ROBO2: variants seen among roughly 807,000 people sequenced by gnomAD.
ROBO2 encodes roundabout guidance receptor 2.
ROBO2 carries 53 observed loss-of-function variants against 160.8 expected under a neutral mutation model. The ratio of observed to expected loss-of-function variants is 0.33; its 90% CI spans 0.26 to 0.41. The LOEUF (loss-of-function observed/expected upper bound fraction) is 0.41, where lower values mean the gene tolerates loss of function less well. Among genes scored for constraint, ROBO2 ranks in the 10% least tolerant of loss-of-function variants. The pLI is 1.00. For missense variants in ROBO2, 1,577 were observed against 1,722.4 expected (o/e 0.92, Z 1.49); for synonymous variants, 664 against 611.7 (o/e 1.09, Z -1.26).
At chr3:77,198,072 G>C (rs1483374552) in intron 2 of ROBO2, among the ~76,000 whole-genome samples, 1 of 152,170 alleles carries the variant, frequency 6.6e-6, no homozygotes, top group Non-Finnish European at 1.5e-5. Context: ...CACATAGTAG[G>C]TGCTTCATAA....
chr3:77,370,539 G>A (rs991652542), intron 2 of ROBO2, among the ~76,000 whole-genome samples: 3 of 152,170 alleles, frequency 2.0e-5, no homozygotes, highest in African/African-American at 4.8e-5. Context: ...AGTGTATTGG[G>A]TTATCCAGTG....
At chr3:76,163,669 T>C (rs1349253980) in intron 2 of ROBO2, among the ~76,000 whole-genome samples, 1 of 151,970 alleles carries the variant, frequency 6.6e-6, no homozygotes, top group Admixed American at 6.6e-5. Flanking sequence ...TTTTTTTCAA[T>C]GCATATCAAA....
intron 2 of ROBO2, among the ~76,000 whole-genome samples, chr3:76,538,770 CTT>C (rs1434015491): frequency 2.0e-5 from 3 of 152,120 alleles, no homozygotes; most frequent in Non-Finnish European, 4.4e-5. Flanking sequence ...TCCAGAGTGT[CTT>C]TTGTTCCCAC....
At chr3:76,193,036 T>C (rs779056406) in intron 2 of ROBO2, among the ~76,000 whole-genome samples, 3 of 152,092 alleles carry the variant, frequency 2.0e-5, no homozygotes, top group Non-Finnish European at 2.9e-5. Flanking sequence ...ACACTGAGGG[T>C]CATTCTCTCT....
At chr3:77,416,995 A>T (rs2077287904) in intron 2 of ROBO2, among the ~76,000 whole-genome samples, 1 of 152,136 alleles carries the variant, frequency 6.6e-6, no homozygotes, top group Admixed American at 6.5e-5. Context: ...TACATGTTGA[A>T]TATTAGGTAA....
intron 2 of ROBO2, among the ~76,000 whole-genome samples, chr3:76,476,716 C>T (rs1282197697): frequency 3.3e-5 from 5 of 152,166 alleles, no homozygotes; most frequent in African/African-American, 4.8e-5. Context: ...AGAGGGCTAA[C>T]AGTCAGGCTG....
intron 2 of ROBO2, among the ~76,000 whole-genome samples, chr3:76,035,189 C>CTTT (rs34206603): frequency 1.4e-5 from 2 of 143,046 alleles, no homozygotes; most frequent in Non-Finnish European, 3.0e-5. Context: ...GTAAATATAT[C>CTTT]TTTTTTTTTT....
chr3:77,553,362 C>G (rs557250410), intron 8 of ROBO2, among the ~76,000 whole-genome samples: 4 of 151,874 alleles, frequency 2.6e-5, no homozygotes, highest in Admixed American at 2.6e-4. Context: ...CTGAGCCTCC[C>G]TATTCCTCGA....
At chr3:76,843,500 T>C (rs2068491588) in intron 2 of ROBO2, among the ~76,000 whole-genome samples, 1 of 152,082 alleles carries the variant, frequency 6.6e-6, no homozygotes, top group Non-Finnish European at 1.5e-5. Flanking sequence ...TTTCTTTACC[T>C]ACTTATAGAA....
chr3:76,315,061 C>T (rs1056952439), intron 2 of ROBO2, among the ~76,000 whole-genome samples: 2 of 151,830 alleles, frequency 1.3e-5, no homozygotes, highest in South Asian at 2.1e-4. Context: ...ATAGTCAAAA[C>T]GTTGACCCCT....
intron 2 of ROBO2, among the ~76,000 whole-genome samples, chr3:75,964,124 T>G (rs1203940001): frequency 6.6e-6 from 1 of 151,664 alleles, no homozygotes; most frequent in Non-Finnish European, 1.5e-5. Flanking sequence ...TAGGAAGCAA[T>G]TTTTTTCCTC....
intron 2 of ROBO2, chr3:75,937,731 G>A (rs1323938009): frequency 4.2e-6 from 2 of 474,024 alleles, no homozygotes; most frequent in South Asian, 4.0e-5. Context: ...TTGTTACACG[G>A]TATTGTAATG....
intron 2 of ROBO2, among the ~76,000 whole-genome samples, chr3:77,323,754 T>TACAC (rs921414841): frequency 6.6e-6 from 1 of 151,802 alleles, no homozygotes; most frequent in South Asian, 2.1e-4. Context: ...AAACACACCA[T>TACAC]ACACACACAC....
At chr3:76,239,546 G>C (rs1324806483) in intron 2 of ROBO2, among the ~76,000 whole-genome samples, 1 of 152,090 alleles carries the variant, frequency 6.6e-6, no homozygotes, top group Admixed American at 6.5e-5. Context: ...TTGAAGTCCA[G>C]TCGGAATTCT....
chr3:76,930,820 G>A (rs1004332422), intron 2 of ROBO2, among the ~76,000 whole-genome samples: 2 of 152,152 alleles, frequency 1.3e-5, no homozygotes, highest in African/African-American at 2.4e-5. Context: ...CAGTGGATTG[G>A]AAAATTCCCA....
intron 2 of ROBO2, among the ~76,000 whole-genome samples, chr3:76,371,481 A>G (rs1450430057): frequency 6.6e-6 from 1 of 151,794 alleles, no homozygotes; most frequent in Admixed American, 6.6e-5. Flanking sequence ...GAATAAAGTG[A>G]AAGGGTATTT....
chr3:77,149,067 G>A (rs1474205249), intron 2 of ROBO2, among the ~76,000 whole-genome samples: 1 of 135,964 alleles, frequency 7.4e-6, no homozygotes, highest in African/African-American at 2.8e-5. Context: ...AGACAGTCTC[G>A]CACTGTCACC....
intron 2 of ROBO2, among the ~76,000 whole-genome samples, chr3:77,141,814 A>G (rs1374079677): frequency 1.3e-5 from 2 of 152,196 alleles, no homozygotes; most frequent in Non-Finnish European, 1.5e-5. Context: ...AGCTTACTGA[A>G]TGATTTTTCA....
chr3:76,242,674 C>A (rs1705364747), intron 2 of ROBO2, among the ~76,000 whole-genome samples: 1 of 151,972 alleles, frequency 6.6e-6, no homozygotes, highest in African/African-American at 2.4e-5. Flanking sequence ...TTGCTTGAGC[C>A]CTGGAATCGG....
Sources: allele counts gnomAD v4.1 joint callset (sites outside exome capture counted in the v4.1 genomes callset), GRCh38; gene constraint gnomAD v4.1.1; transcripts MANE v1.5; gene names NCBI Gene and HGNC (gene_info 2026-07-23, HGNC 2026-07-21).